Variants in CDH13 observed in about 807,000 individuals in gnomAD.
The protein encoded by CDH13 is cadherin-13.
Under a neutral mutation model 63.8 loss-of-function variants are expected in CDH13, and 24 were observed. That is an observed-to-expected ratio of 0.38 (90% confidence interval 0.27 to 0.53). The LOEUF (loss-of-function observed/expected upper bound fraction) is 0.53. Ranked by LOEUF, CDH13 falls within the 20% of genes least tolerant of loss-of-function variation. The pLI, the probability that CDH13 is intolerant of heterozygous loss-of-function variation, is 0.85. For synonymous variants in CDH13, 503 were observed against 355.3 expected, an observed-to-expected ratio of 1.42 and a Z score of -4.67; for missense variants, 1,049 against 903.1, an observed-to-expected ratio of 1.16 and a Z score of -2.07.
chr16:83,429,720 A>G (rs2072034767), intron 6 of CDH13, among the ~76,000 whole-genome samples: 1 of 152,206 alleles, frequency 6.6e-6, no homozygotes, highest in Non-Finnish European at 1.5e-5. Flanking sequence ...GCCCTTTTGT[A>G]AAATACCTTT....
chr16:83,537,662 C>T (rs2075220469), intron 7 of CDH13, among the ~76,000 whole-genome samples: 1 of 151,952 alleles, frequency 6.6e-6, no homozygotes. Context: ...AAAAGTGTTG[C>T]AAAGAATAGC....
At chr16:83,368,556 G>T (rs1449120190) in intron 6 of CDH13, among the ~76,000 whole-genome samples, 1 of 151,578 alleles carries the variant, frequency 6.6e-6, no homozygotes, top group Non-Finnish European at 1.5e-5. Context: ...TTGGGAACAG[G>T]TGGTGTTTGG....
chr16:82,780,622 G>A (rs1399145146), intron 1 of CDH13, among the ~76,000 whole-genome samples: 5 of 152,162 alleles, frequency 3.3e-5, no homozygotes, highest in Admixed American at 3.3e-4. Context: ...CCTAATAGTG[G>A]TCATTAGTTT....
At chr16:82,955,371 A>G (rs1201625217) in intron 2 of CDH13, among the ~76,000 whole-genome samples, 4 of 152,194 alleles carry the variant, frequency 2.6e-5, no homozygotes, top group Non-Finnish European at 2.9e-5. Context: ...ATCAGAGTTG[A>G]GTAGGTTCTG....
intron 1 of CDH13, among the ~76,000 whole-genome samples, chr16:82,752,120 A>G (rs928468890): frequency 1.3e-5 from 2 of 152,212 alleles, no homozygotes; most frequent in African/African-American, 4.8e-5. Context: ...TGTTATTTAT[A>G]CCATAAGCTA....
chr16:82,908,405 G>T (rs1272919472), intron 2 of CDH13, among the ~76,000 whole-genome samples: 2 of 152,102 alleles, frequency 1.3e-5, no homozygotes, highest in Non-Finnish European at 1.5e-5. Context: ...TGGAACACTG[G>T]GAGGTCAAAA....
At chr16:83,360,278 A>T (rs750181463) in intron 6 of CDH13, among the ~76,000 whole-genome samples, 1 of 152,216 alleles carries the variant, frequency 6.6e-6, no homozygotes, top group Non-Finnish European at 1.5e-5. Flanking sequence ...ACAATGTACC[A>T]CGTACGGAAA....
intron 4 of CDH13, among the ~76,000 whole-genome samples, chr16:83,152,396 T>C (rs1204908897): frequency 2.0e-5 from 3 of 152,214 alleles, no homozygotes; most frequent in Non-Finnish European, 4.4e-5. Flanking sequence ...AGGGAAAATA[T>C]AGGTTATAAA....
intron 6 of CDH13, among the ~76,000 whole-genome samples, chr16:83,463,792 G>A (rs545983215): frequency 8.3e-4 from 127 of 152,254 alleles, no homozygotes; most frequent in African/African-American, 3.0e-3. Flanking sequence ...GTAACTGAGT[G>A]AGACTCTGTC....
intron 10 of CDH13, among the ~76,000 whole-genome samples, chr16:83,733,755 T>G (rs1182495036): frequency 2.0e-5 from 3 of 152,184 alleles, no homozygotes; most frequent in Non-Finnish European, 4.4e-5. Context: ...CCCATTCTGG[T>G]CTTCTGACAT....
chr16:83,534,702 T>C (rs2075150240), intron 7 of CDH13, among the ~76,000 whole-genome samples: 2 of 152,232 alleles, frequency 1.3e-5, no homozygotes, highest in South Asian at 4.1e-4. Context: ...ATAGGCCACA[T>C]TTTGTTTGCC....
rs573735649 is a variant in CDH13, at chr16:83,348,319, T to A, written c.781+3313T>A. 3.3e-5 allele frequency among the ~76,000 whole-genome samples: 5 copies of A among 152,320 alleles called. No individual in the cohort carries two copies. The East Asian group carries it at 7.7e-4, about 23-fold the overall frequency. ...GTGCAGTTCTATCAGATGAACTGAT[T>A]TAGATCCTCACAGAAAATGACTAGT... On this transcript the variant is annotated intron_variant, in intron 6 of 13. Coordinates refer to ENST00000567109, the MANE Select transcript of CDH13 (RefSeq NM_001257.5).
chr16:83,240,942 A>G (rs1184592498), intron 5 of CDH13, among the ~76,000 whole-genome samples: 1 of 152,066 alleles, frequency 6.6e-6, no homozygotes, highest in East Asian at 1.9e-4. Context: ...GGACCTCTTC[A>G]TCTTGCAATA....
At chr16:82,800,342 GC>G (rs1178012825) in intron 1 of CDH13, among the ~76,000 whole-genome samples, 4 of 152,056 alleles carry the variant, frequency 2.6e-5, no homozygotes, top group Non-Finnish European at 4.4e-5. Context: ...GGGTTTCATA[GC>G]CAGTCTGAGG....
chr16:83,073,638 G>C (rs962253511), intron 3 of CDH13, among the ~76,000 whole-genome samples: 1 of 151,830 alleles, frequency 6.6e-6, no homozygotes, highest in African/African-American at 2.4e-5. Context: ...AAAATATATT[G>C]AACTTGACGA....
rs1220961097 is a variant in CDH13 at position 83,796,863 on chromosome 16, G to C, written c.*1833G>C. The C allele has an allele frequency of 2.6e-5, 4 of 152,218 alleles. No homozygotes were observed. The highest frequency in any genetic ancestry group is 5.9e-5 in the Non-Finnish European group (4 of 68,034). The allele number at this position is 152,218 out of a possible 1,614,324, so 9.4% of individuals were successfully genotyped here. A position where few individuals can be genotyped will look rare whatever the true frequency, so the allele number is the denominator to read the frequency against. The stretch of plus-strand genomic sequence containing the variant: ...TCAAAGATGAGACGGACCATTCTCA[G>C]TTGATGACCACATTAAGCATAGTCA... On this transcript the variant is annotated 3_prime_UTR_variant, in exon 14 of 14. Coordinates refer to ENST00000567109, the MANE Select transcript of CDH13 (RefSeq NM_001257.5).
chr16:82,676,736 C>G (rs1913955842), intron 1 of CDH13, among the ~76,000 whole-genome samples: 1 of 152,150 alleles, frequency 6.6e-6, no homozygotes, highest in Non-Finnish European at 1.5e-5. Flanking sequence ...ATGAGATGCA[C>G]TTTCTGAGAC....
intron 6 of CDH13, among the ~76,000 whole-genome samples, chr16:83,382,735 G>C (rs545070178): frequency 7.2e-5 from 11 of 152,236 alleles, no homozygotes; most frequent in Admixed American, 3.3e-4. Flanking sequence ...ATTAACCTCA[G>C]ATCTGTCCAG....
intron 7 of CDH13, among the ~76,000 whole-genome samples, chr16:83,535,166 G>T (rs751916133): frequency 6.6e-6 from 1 of 152,234 alleles, no homozygotes; most frequent in African/African-American, 2.4e-5. Context: ...CATAAGGGGT[G>T]CTCCAGGCAG....
Sources: allele counts gnomAD v4.1 joint callset (sites outside exome capture counted in the v4.1 genomes callset), GRCh38; gene constraint gnomAD v4.1.1; transcripts MANE v1.5; gene names NCBI Gene and HGNC (gene_info 2026-07-23, HGNC 2026-07-21).